CHST10: variants seen among roughly 807,000 people sequenced by gnomAD.
CHST10 encodes the protein HNK-1 sulfotransferase.
In CHST10, 24 loss-of-function variants were observed where a neutral mutation model predicts 34.7. The observed-to-expected ratio is 0.69, with a 90% CI of 0.50 to 0.97. The LOEUF (loss-of-function observed/expected upper bound fraction) is 0.97, where lower values mean the gene tolerates loss of function less well. Among genes scored for constraint, CHST10 ranks in the 50% least tolerant of loss-of-function variants. The pLI, the probability that CHST10 is intolerant of heterozygous loss-of-function variation, is 0.00. For missense variants in CHST10, 402 were observed against 452.1 expected, an observed-to-expected ratio of 0.89 and a Z score of 1.00; for synonymous variants, 161 against 169.3, an observed-to-expected ratio of 0.95 and a Z score of 0.38.
rs1675539790 is a variant in CHST10, at chr2:100,405,721, G to GT, written c.100+854dup. On this transcript the variant is annotated intron_variant, in intron 3 of 6. Coordinates refer to ENST00000264249, the MANE Select transcript of CHST10 (RefSeq NM_004854.5). ...GTGCTGTGCTCATCCACGTTCCCCA[G>GT]TATCTCCCAATCAGCCTAAAGGAAT... is the stretch of plus-strand genomic sequence containing the variant. Among the ~76,000 whole-genome samples the GT allele has an allele frequency of 4.6e-5, 7 of 152,214 alleles. No homozygotes were observed. The South Asian group carries it at 1.4e-3, about 31-fold the overall frequency.
intron 2 of CHST10, among the ~76,000 whole-genome samples, chr2:100,412,694 C>G (rs1003281228): frequency 6.6e-6 from 1 of 152,174 alleles, no homozygotes; most frequent in African/African-American, 2.4e-5. Flanking sequence ...ATTCTCCCAC[C>G]ACCTCCTTCC....
intron 3 of CHST10, among the ~76,000 whole-genome samples, chr2:100,403,812 C>T (rs1328200785): frequency 1.3e-5 from 2 of 152,232 alleles, no homozygotes; most frequent in Admixed American, 6.5e-5. Context: ...ACACCGTGAA[C>T]GTGTGTGAAA....
chr2:100,404,430 C>T (rs746017138), intron 3 of CHST10, among the ~76,000 whole-genome samples: 8 of 152,194 alleles, frequency 5.3e-5, no homozygotes, highest in South Asian at 4.1e-4. Flanking sequence ...TATTAAGGAC[C>T]GCTGCGGTGC....
rs991532812 is a variant in CHST10, at chr2:100,405,856, C to T, written c.100+720G>A. Among the ~76,000 whole-genome samples the T allele has an allele frequency of 2.0e-5, 3 of 152,178 alleles. No homozygotes were observed. In the East Asian group the frequency reaches 5.8e-4, roughly 29 times the overall value. On this transcript the variant is annotated intron_variant, in intron 3 of 6. Coordinates refer to ENST00000264249, the MANE Select transcript of CHST10 (RefSeq NM_004854.5). ...GTGGCCTCGGGGCTGGAGAGCATAT[C>T]ACACACCTCTTTGGACATATCCAGC...
At chr2:100,407,086 G>A (rs1285520557) in intron 2 of CHST10, among the ~76,000 whole-genome samples, 2 of 152,172 alleles carry the variant, frequency 1.3e-5, no homozygotes, top group Non-Finnish European at 2.9e-5. Context: ...GAAGAGGCCT[G>A]CCAAGGACTA....
intron 2 of CHST10, among the ~76,000 whole-genome samples, chr2:100,411,519 C>T (rs957219010): frequency 3.9e-5 from 6 of 152,324 alleles, no homozygotes; most frequent in African/African-American, 1.4e-4. Flanking sequence ...TACCCACTTC[C>T]CTCAGGTCCA....
chr2:100,393,817 G>A (rs781391586), intron 6 of CHST10, 35 bp from the exon 7 acceptor site: 3 of 1,553,464 alleles, frequency 1.9e-6, no homozygotes, highest in Admixed American at 1.7e-5. Flanking sequence ...TTAACTTGAT[G>A]CCACAGGAGG....
In CHST10 at chr2:100,397,433, C is replaced by T. The variant is rs17024190; in HGVS notation, c.427+475G>A. Among the ~76,000 whole-genome samples, 821 of 152,280 alleles carry T rather than the reference C, an allele frequency of 5.4e-3. 7 individuals are homozygous for T. The highest frequency in any genetic ancestry group is 0.019 in the African/African-American group (783 of 41,562). ...TCGCTGGCACAGAACGCTTGGTCTGCAGGTAAAGAGGCTCCAGGCCCCGGG... is the reference window on the plus strand; with the variant it reads ...TCGCTGGCACAGAACGCTTGGTCTGTAGGTAAAGAGGCTCCAGGCCCCGGG... On this transcript the variant is annotated intron_variant, in intron 5 of 6. Transcript: ENST00000264249.
rs751768449 is a variant in CHST10 at position 100,395,510 on chromosome 2, G to A, written c.532C>T (p.Arg178Ter). 10 of 1,612,634 alleles carry A rather than the reference G, an allele frequency of 6.2e-6. No homozygotes were observed. Among genetic ancestry groups the A allele is most frequent in the South Asian group, 2.2e-5 (2 of 91,008 alleles). ...CCCCTTTGAGGAAGCTGTTCTCACC[G>A]CTTCTGAATTTCTGCATCACTGAAG... ...SSFSDAEIQK[R>*]LKTYFKFFIV... The change falls in exon 6 of 7, where the codon CGA (arginine) becomes TGA (stop). Residue 178 changes from arginine to a stop codon, truncating the protein, a stop_gained and splice_region_variant. Transcript: ENST00000264249. LOFTEE classifies it high-confidence loss of function.
At chr2:100,410,765 A>G (rs185634438) in intron 2 of CHST10, among the ~76,000 whole-genome samples, 1 of 152,346 alleles carries the variant, frequency 6.6e-6, no homozygotes, top group East Asian at 1.9e-4. Context: ...ATATGCATTC[A>G]AATACACTTA....
At chr2:100,413,053 C>G (rs1675911744) in intron 2 of CHST10, among the ~76,000 whole-genome samples, 1 of 152,212 alleles carries the variant, frequency 6.6e-6, no homozygotes, top group African/African-American at 2.4e-5. Context: ...TGCCTCCTAT[C>G]TGAGGATGAC....
rs754291400 is a variant in CHST10, at chr2:100,393,791, A to G, written c.534-9T>C. ...TGAAGTATGTTTTCAATCTAAGGAA[A>G]AAAACGAACAAGAGGTTAACTTGAT... On this transcript the variant is annotated splice_polypyrimidine_tract_variant and intron_variant, in intron 6 of 6. Coordinates refer to ENST00000264249, the MANE Select transcript of CHST10 (RefSeq NM_004854.5). 8.1e-6 allele frequency: 13 copies of G among 1,599,976 alleles called. No individual in the cohort carries two copies. In the Middle Eastern group the frequency reaches 9.9e-4, roughly 122 times the overall value.
At position 100,398,015 on chromosome 2, in the gene CHST10, T is replaced by C. The variant is rs540545598; in HGVS notation, c.320A>G (p.Lys107Arg). 1.6e-5 allele frequency: 26 copies of C among 1,614,192 alleles called. No homozygotes were observed. The highest frequency in any genetic ancestry group is 8.8e-5 in the South Asian group (8 of 91,082). ...LKNLSHTPVS[K>R]FVLDRIFVCD... ...GACAAATATTCGGTCCAGGACAAACTTGGAGACAGGAGTGTGCGAGAGATT... is the reference window on the plus strand; with the variant it reads ...GACAAATATTCGGTCCAGGACAAACCTGGAGACAGGAGTGTGCGAGAGATT... The change falls in exon 5 of 7, where the codon AAG (lysine) becomes AGG (arginine). Residue 107 changes from lysine (K) to arginine (R), a missense_variant. Coordinates refer to ENST00000264249, the MANE Select transcript of CHST10 (RefSeq NM_004854.5).
chr2:100,405,405 T>G (rs1443077843), intron 3 of CHST10, among the ~76,000 whole-genome samples: 1 of 152,160 alleles, frequency 6.6e-6, no homozygotes, highest in Admixed American at 6.5e-5. Flanking sequence ...TGGGCTAATT[T>G]CAGGGTGTCC....
rs763960184 is a variant in CHST10, at chr2:100,398,091, T to C, written c.244A>G (p.Met82Val). Residue 82 changes from methionine (M) to valine (V), a missense_variant, in exon 5 of 7, where the codon ATG (methionine) becomes GTG (valine). Transcript: ENST00000264249. ...DSQLVQPLVY[M>V]ERLELIRNVC... is the part of the protein sequence containing the mutation. ...TTTCTGATGAGTTCCAGGCGCTCCA[T>C]GTAGACCAGGGGCTGAACGAGCTGG... 7 of 1,614,056 alleles carry C rather than the reference T, an allele frequency of 4.3e-6. No individual in the cohort carries two copies. Among genetic ancestry groups the C allele is most frequent in the Admixed American group, 3.3e-5 (2 of 60,008 alleles).
intron 6 of CHST10, among the ~76,000 whole-genome samples, chr2:100,394,995 A>G (rs541135420): frequency 3.8e-4 from 58 of 152,114 alleles, no homozygotes; most frequent in South Asian, 8.3e-4. Context: ...CTGGTATTAC[A>G]GGCATGAGCC....
Position 100,393,107 on chromosome 2 carries a change from G to A in CHST10, c.*138C>T, listed in dbSNP as rs979255033. 3.8e-5 allele frequency: 32 copies of A among 841,804 alleles called. No individual in the cohort carries two copies. Among genetic ancestry groups the A allele is most frequent in the African/African-American group, 1.2e-4 (7 of 58,168 alleles). The allele number at this position is 841,804 out of a possible 1,614,324, so 52.1% of individuals were successfully genotyped here. A position where few individuals can be genotyped will look rare whatever the true frequency, so the allele number is the denominator to read the frequency against. On this transcript the variant is annotated 3_prime_UTR_variant, in exon 7 of 7. Transcript: ENST00000264249. ...TTGGGGTTCTGCGTCATATGCCGAG[G>A]CAACTCACAGGCCTGTGGGAGACCC...
chr2:100,416,825 A>G, intron 1 of CHST10: 1 of 497,938 alleles, frequency 2.0e-6, no homozygotes, highest in South Asian at 1.8e-5. Flanking sequence ...AGCAAAAATG[A>G]CATTTTGGAA....
At chr2:100,395,844 G>T (rs933669149) in intron 5 of CHST10, among the ~76,000 whole-genome samples, 1 of 152,212 alleles carries the variant, frequency 6.6e-6, no homozygotes, top group Non-Finnish European at 1.5e-5. Flanking sequence ...GGAAACTGAT[G>T]ATTTCAGGGA....
Sources: gnomAD v4.1 joint callset for allele counts (sites outside exome capture counted in the v4.1 genomes callset) on GRCh38, gnomAD v4.1.1 for gene constraint, MANE v1.5 for transcripts, NCBI Gene and HGNC (gene_info 2026-07-23, HGNC 2026-07-21) for gene names.